Variants in PRICKLE2 observed in about 807,000 individuals in gnomAD.
PRICKLE2 encodes prickle planar cell polarity protein 2.
A neutral mutation model predicts 81.4 loss-of-function variants in PRICKLE2; 21 were observed. The observed-to-expected ratio is 0.26, with a 90% confidence interval of 0.18 to 0.37. The LOEUF is 0.37. Ranked by LOEUF, PRICKLE2 falls within the 10% of genes least tolerant of loss-of-function variation. The pLI is 1.00. For synonymous variants in PRICKLE2, 456 were observed against 421.5 expected, an observed-to-expected ratio of 1.08 and a Z score of -1.00; for missense variants, 940 against 1,109.0, an observed-to-expected ratio of 0.85 and a Z score of 2.16.
chr3:64,207,162 A>C (rs540905633), intron 1 of PRICKLE2, among the ~76,000 whole-genome samples: 34 of 152,294 alleles, frequency 2.2e-4, no homozygotes, highest in Non-Finnish European at 4.6e-4. Context: ...AGCCTTCCAA[A>C]GTGCTGGGAT....
chr3:64,135,537 G>C (rs992897426), intron 7 of PRICKLE2, among the ~76,000 whole-genome samples: 12 of 152,090 alleles, frequency 7.9e-5, no homozygotes, highest in Non-Finnish European at 1.6e-4. Flanking sequence ...CTTTGAAGTG[G>C]AAGACCCAGA....
chr3:64,131,031 T>C (rs1030136791), intron 7 of PRICKLE2, among the ~76,000 whole-genome samples: 1 of 152,222 alleles, frequency 6.6e-6, no homozygotes, highest in African/African-American at 2.4e-5. Flanking sequence ...TCCAGTGAGA[T>C]ACTGTCTCCC....
At chr3:64,189,794 T>C (rs192054993) in intron 2 of PRICKLE2, among the ~76,000 whole-genome samples, 2 of 152,308 alleles carry the variant, frequency 1.3e-5, no homozygotes, top group African/African-American at 4.8e-5. Context: ...CATAAATAAA[T>C]GTAAGTAGAG....
At chr3:64,124,647 T>C (rs1212435694) in intron 7 of PRICKLE2, among the ~76,000 whole-genome samples, 2 of 152,206 alleles carry the variant, frequency 1.3e-5, no homozygotes, top group African/African-American at 2.4e-5. Context: ...TCCACTCTGA[T>C]TGTGCTGTAT....
chr3:64,206,293 T>C (rs1036514262), intron 1 of PRICKLE2, among the ~76,000 whole-genome samples: 2 of 152,188 alleles, frequency 1.3e-5, no homozygotes, highest in Non-Finnish European at 1.5e-5. Context: ...TCTTCTGTAG[T>C]AGCCTCCTAG....
chr3:64,252,598 A>G (rs2079463984), intron 2 of PRICKLE2, among the ~76,000 whole-genome samples: 1 of 152,212 alleles, frequency 6.6e-6, no homozygotes, highest in Admixed American at 6.5e-5. Flanking sequence ...CACAAGCAGC[A>G]TGAGCTTTTC....
At chr3:64,229,054 A>C (rs2079066978), upstream of PRICKLE2, among the ~76,000 whole-genome samples, 1 of 152,196 alleles carries the variant, frequency 6.6e-6, no homozygotes, top group African/African-American at 2.4e-5. Flanking sequence ...AAAAGGCTGC[A>C]AAAATTTGAC....
chr3:64,107,569 C>T (rs560225628), intron 7 of PRICKLE2, among the ~76,000 whole-genome samples: 9 of 152,250 alleles, frequency 5.9e-5, no homozygotes, highest in Non-Finnish European at 8.8e-5. Flanking sequence ...TTACCAGGCA[C>T]GGTGGCTCAC....
At chr3:64,189,159 T>C (rs1362965872) in intron 2 of PRICKLE2, among the ~76,000 whole-genome samples, 1 of 152,088 alleles carries the variant, frequency 6.6e-6, no homozygotes, top group Admixed American at 6.6e-5. Flanking sequence ...ACCAGTAACA[T>C]GAGAGCCCCT....
intron 2 of PRICKLE2, among the ~76,000 whole-genome samples, chr3:64,178,962 A>T (rs2078069580): frequency 7.1e-6 from 1 of 140,128 alleles, no homozygotes; most frequent in African/African-American, 2.6e-5. Context: ...TAACATACAT[A>T]TTTTCTTTCT....
chr3:64,152,021 A>C (rs1276218825), intron 6 of PRICKLE2, among the ~76,000 whole-genome samples: 1 of 152,238 alleles, frequency 6.6e-6, no homozygotes, highest in African/African-American at 2.4e-5. Context: ...AGCACCGTTG[A>C]GCACACGCTA....
intron 2 of PRICKLE2, among the ~76,000 whole-genome samples, chr3:64,242,920 T>G (rs1329853120): frequency 6.6e-6 from 1 of 152,236 alleles, no homozygotes; most frequent in Non-Finnish European, 1.5e-5. Context: ...GAGCACTTAC[T>G]ATATCCTAGT....
At chr3:64,204,699 C>T (rs116603740) in intron 1 of PRICKLE2, among the ~76,000 whole-genome samples, 109 of 152,250 alleles carry the variant, frequency 7.2e-4, no homozygotes, top group African/African-American at 2.4e-3. Context: ...GTTTTCCATG[C>T]TAGCTGCCCG....
At chr3:64,238,969 C>A (rs1243020045) in intron 2 of PRICKLE2, among the ~76,000 whole-genome samples, 1 of 152,156 alleles carries the variant, frequency 6.6e-6, no homozygotes, top group Non-Finnish European at 1.5e-5. Flanking sequence ...GCAGCCAGGG[C>A]AGTTTTCAGG....
chr3:64,106,899 G>A (rs2076764950), intron 7 of PRICKLE2, among the ~76,000 whole-genome samples: 1 of 152,208 alleles, frequency 6.6e-6, no homozygotes, highest in Non-Finnish European at 1.5e-5. Context: ...GGAGGATCTG[G>A]CAGAAGAATC....
At chr3:64,111,164 T>C (rs2076839992) in intron 7 of PRICKLE2, among the ~76,000 whole-genome samples, 1 of 152,088 alleles carries the variant, frequency 6.6e-6, no homozygotes, top group Non-Finnish European at 1.5e-5. Flanking sequence ...GGAATAATCA[T>C]ACAACCTAAG....
At chr3:64,176,635 T>A (rs1170212029) in intron 2 of PRICKLE2, among the ~76,000 whole-genome samples, 2 of 152,218 alleles carry the variant, frequency 1.3e-5, no homozygotes, top group Non-Finnish European at 2.9e-5. Context: ...TGGAAACACA[T>A]TTTAGAATAC....
chr3:64,109,955 C>T (rs755227270), intron 7 of PRICKLE2, among the ~76,000 whole-genome samples: 7 of 152,138 alleles, frequency 4.6e-5, no homozygotes, highest in Non-Finnish European at 1.0e-4. Flanking sequence ...CCTTGCTCAT[C>T]CTATTAACTT....
intron 2 of PRICKLE2, among the ~76,000 whole-genome samples, chr3:64,244,960 A>T (rs1011974194): frequency 6.6e-6 from 1 of 152,134 alleles, no homozygotes; most frequent in Non-Finnish European, 1.5e-5. Flanking sequence ...CATGTGTGTA[A>T]ATTATTTTTT....
Sources: gnomAD v4.1 joint callset for allele counts (sites outside exome capture counted in the v4.1 genomes callset) on GRCh38, gnomAD v4.1.1 for gene constraint, MANE v1.5 for transcripts, NCBI Gene and HGNC (gene_info 2026-07-23, HGNC 2026-07-21) for gene names.